The following ANKS1B variants were observed in gnomAD, a reference collection of about 807,000 sequenced individuals.
The protein encoded by ANKS1B is ankyrin repeat and sterile alpha motif domain-containing protein 1B.
In ANKS1B, 36 loss-of-function variants were observed where a neutral mutation model predicts 148.3. That is an observed-to-expected ratio of 0.24 (90% CI 0.19 to 0.32). The LOEUF is 0.32. Among genes scored for constraint, ANKS1B ranks in the 10% least tolerant of loss-of-function variants. ANKS1B has a pLI of 1.00. For synonymous variants in ANKS1B, 542 were observed against 560.8 expected (o/e 0.97, Z 0.47); for missense variants, 1,157 against 1,542.6 (o/e 0.75, Z 4.19).
intron 10 of ANKS1B, among the ~76,000 whole-genome samples, chr12:99,455,592 T>C (rs2095835399): frequency 6.6e-6 from 1 of 152,172 alleles, no homozygotes; most frequent in Non-Finnish European, 1.5e-5. Flanking sequence ...GGAATGAGAC[T>C]GGCCTTTTGG....
intron 9 of ANKS1B, among the ~76,000 whole-genome samples, chr12:99,518,897 A>G (rs1463819440): frequency 6.6e-6 from 1 of 152,016 alleles, no homozygotes; most frequent in Non-Finnish European, 1.5e-5. Context: ...CTTTCACTAT[A>G]TCCTATACAT....
At chr12:98,979,609 G>A (rs760955743) in intron 17 of ANKS1B, among the ~76,000 whole-genome samples, 18 of 152,134 alleles carry the variant, frequency 1.2e-4, no homozygotes, top group South Asian at 6.2e-4. Context: ...CAAGAAACCT[G>A]CAGAATTTCT....
intron 22 of ANKS1B, among the ~76,000 whole-genome samples, chr12:98,786,169 C>G (rs914961932): frequency 2.6e-5 from 4 of 152,134 alleles, no homozygotes; most frequent in Non-Finnish European, 2.9e-5. Flanking sequence ...GTATTTTGTT[C>G]ACAATTTCCC....
chr12:98,973,487 A>G (rs936304605), intron 17 of ANKS1B, among the ~76,000 whole-genome samples: 1 of 152,198 alleles, frequency 6.6e-6, no homozygotes, highest in East Asian at 1.9e-4. Flanking sequence ...GTCTAAAAAT[A>G]TTAAATGAAA....
At chr12:99,276,137 T>C (rs192747536) in intron 12 of ANKS1B, among the ~76,000 whole-genome samples, 1 of 152,318 alleles carries the variant, frequency 6.6e-6, no homozygotes, top group East Asian at 1.9e-4. Flanking sequence ...ACTGAGTCCT[T>C]ACTTAGCAGA....
intron 1 of ANKS1B, among the ~76,000 whole-genome samples, chr12:99,827,264 C>T (rs1006621291): frequency 1.3e-5 from 2 of 151,472 alleles, no homozygotes; most frequent in South Asian, 2.1e-4. Context: ...ATGAATGACC[C>T]GGGAAGACAT....
At chr12:99,045,880 A>C (rs1397095001) in intron 17 of ANKS1B, among the ~76,000 whole-genome samples, 1 of 152,210 alleles carries the variant, frequency 6.6e-6, no homozygotes, top group Non-Finnish European at 1.5e-5. Context: ...TAAATAGAAA[A>C]GATGAAGCAG....
At position 99,151,851 on chromosome 12, in the gene ANKS1B, C is replaced by T. The variant is rs1601137056; in HGVS notation, c.2526+2438G>A. On this transcript the variant is annotated intron_variant, in intron 15 of 26. Transcript: ENST00000683438. ...GCATGGATGCACTATGATGTTTCAA[C>T]CAACATTAATTATACCCTTTTGATT... Among the ~76,000 whole-genome samples the T allele has an allele frequency of 3.3e-5, 5 of 152,252 alleles. No individual in the cohort carries two copies. In the South Asian group the frequency reaches 1.0e-3, roughly 32 times the overall value.
chr12:98,816,401 T>C (rs776313273), intron 19 of ANKS1B, among the ~76,000 whole-genome samples: 1 of 152,208 alleles, frequency 6.6e-6, no homozygotes, highest in Non-Finnish European at 1.5e-5. Flanking sequence ...GTTCAAATGA[T>C]TCTTGTGCCT....
chr12:99,122,216 CTT>C (rs1447769943), intron 15 of ANKS1B, among the ~76,000 whole-genome samples: 31 of 152,020 alleles, frequency 2.0e-4, no homozygotes, highest in Middle Eastern at 3.4e-3. Context: ...ATAGATGAGA[CTT>C]AATAGATAAA....
At chr12:99,448,325 A>T (rs992552107) in intron 10 of ANKS1B, among the ~76,000 whole-genome samples, 1 of 152,170 alleles carries the variant, frequency 6.6e-6, no homozygotes, top group Non-Finnish European at 1.5e-5. Flanking sequence ...ACCTTGTGTT[A>T]AGTGAAATAA....
chr12:99,748,056 C>T (rs1013940347), intron 8 of ANKS1B, among the ~76,000 whole-genome samples: 32 of 152,036 alleles, frequency 2.1e-4, no homozygotes, highest in Non-Finnish European at 4.3e-4. Context: ...CTCTTAAAGG[C>T]TGATAATGCA....
At chr12:99,600,043 G>C (rs1443223746) in intron 9 of ANKS1B, among the ~76,000 whole-genome samples, 1 of 151,740 alleles carries the variant, frequency 6.6e-6, no homozygotes, top group African/African-American at 2.4e-5. Flanking sequence ...GTTTCAATTT[G>C]TTCATTGGTG....
intron 11 of ANKS1B, among the ~76,000 whole-genome samples, chr12:99,433,858 A>G (rs1299030882): frequency 1.3e-5 from 2 of 152,182 alleles, no homozygotes; most frequent in African/African-American, 2.4e-5. Context: ...GAACTCCATC[A>G]GTGAAATTCC....
intron 4 of ANKS1B, among the ~76,000 whole-genome samples, chr12:99,784,597 T>C (rs1358508733): frequency 2.0e-5 from 3 of 152,148 alleles, no homozygotes; most frequent in Non-Finnish European, 2.9e-5. Flanking sequence ...TACCTACCAC[T>C]AGTTAATTTT....
At chr12:99,477,514 T>G (rs750856393) in intron 10 of ANKS1B, among the ~76,000 whole-genome samples, 5 of 152,162 alleles carry the variant, frequency 3.3e-5, no homozygotes, top group Non-Finnish European at 7.4e-5. Context: ...GGCTCCATAC[T>G]TAACTAGCAA....
chr12:98,738,357 A>G (rs1397733908), intron 9 of ANKS1B, among the ~76,000 whole-genome samples: 1 of 152,214 alleles, frequency 6.6e-6, no homozygotes. Flanking sequence ...TCCATCACCC[A>G]GGGCTAGAAT....
At chr12:99,729,884 T>C (rs1436782296) in intron 8 of ANKS1B, among the ~76,000 whole-genome samples, 1 of 152,210 alleles carries the variant, frequency 6.6e-6, no homozygotes, top group Non-Finnish European at 1.5e-5. Context: ...ATTTTTCCCT[T>C]TTTGCATATA....
At chr12:99,069,748 A>G (rs534281064) in intron 16 of ANKS1B, among the ~76,000 whole-genome samples, 80 of 152,324 alleles carry the variant, frequency 5.3e-4, no homozygotes, top group African/African-American at 1.6e-3. Context: ...CTGAATGTCT[A>G]TTTACTAAAA....
Sources: allele counts gnomAD v4.1 joint callset (sites outside exome capture counted in the v4.1 genomes callset), GRCh38; gene constraint gnomAD v4.1.1; transcripts MANE v1.5; gene names NCBI Gene and HGNC (gene_info 2026-07-23, HGNC 2026-07-21).